ITGA6: variants seen among roughly 807,000 people sequenced by gnomAD.
The protein encoded by ITGA6 is integrin alpha-6.
ITGA6 carries 63 observed loss-of-function variants against 133.6 expected under a neutral mutation model. That is an observed-to-expected ratio of 0.47 (90% confidence interval 0.38 to 0.58). ITGA6 has a LOEUF of 0.58. Among genes scored for constraint, ITGA6 ranks in the 20% least tolerant of loss-of-function variants. The pLI, the probability that ITGA6 is intolerant of heterozygous loss-of-function variation, is 0.00. For missense variants in ITGA6, 1,068 were observed against 1,309.4 expected (o/e 0.82, Z 2.85); for synonymous variants, 434 against 482.0 (o/e 0.90, Z 1.30).
intron 23 of ITGA6, among the ~76,000 whole-genome samples, chr2:172,493,971 G>A (rs1397536384): frequency 1.3e-5 from 2 of 152,180 alleles, no homozygotes; most frequent in African/African-American, 4.8e-5. Context: ...CAAATTGGTA[G>A]ATTTGTGAAT....
At chr2:172,479,232 C>T (rs915544823) in intron 9 of ITGA6, among the ~76,000 whole-genome samples, 1 of 152,084 alleles carries the variant, frequency 6.6e-6, no homozygotes, top group Non-Finnish European at 1.5e-5. Flanking sequence ...TGAGAAAAAG[C>T]CACATACAGA....
intron 1 of ITGA6, among the ~76,000 whole-genome samples, chr2:172,430,273 A>C (rs938577872): frequency 6.6e-6 from 1 of 152,256 alleles, no homozygotes; most frequent in Non-Finnish European, 1.5e-5. Flanking sequence ...ATCATTTAAA[A>C]AGCAGTAATT....
Position 172,465,630 on chromosome 2 carries a change from G to T in ITGA6, c.274G>T (p.Gly92Trp), listed in dbSNP as rs918959143. Residue 92 changes from glycine to tryptophan, a missense_variant, in exon 2 of 26, where the codon GGG becomes TGG. Gly to Trp is a radical substitution (Grantham distance 184, BLOSUM62 -2). Coordinates refer to ENST00000684293, the MANE Select transcript of ITGA6 (RefSeq NM_000210.4). The stretch of plus-strand genomic sequence containing the variant: ...GTACAGCTGCGACATCACCGCCCGG[G>T]GGCCATGCACGCGGATCGAGTTTGA... ...GLYSCDITAR[G>W]PCTRIEFDND... The T allele has an allele frequency of 3.7e-6, 6 of 1,614,216 alleles. No individual in the cohort carries two copies. Among genetic ancestry groups the T allele is most frequent in the Middle Eastern group, 1.6e-4 (1 of 6,062 alleles).
chr2:172,475,219 G>A (rs945322310), intron 7 of ITGA6, 97 bp downstream of exon 7: 46 of 882,664 alleles, frequency 5.2e-5, no homozygotes, highest in Admixed American at 2.2e-4. Flanking sequence ...TGTAATCCCA[G>A]CACTTTGGGA....
intron 10 of ITGA6, 62 bp from the exon 11 acceptor site, chr2:172,479,928 T>C: frequency 8.5e-7 from 1 of 1,173,490 alleles, no homozygotes; most frequent in South Asian, 1.2e-5. Flanking sequence ...CTAGGGAACA[T>C]GTTGGGTTTT....
chr2:172,496,337 G>A (rs1228145797), intron 23 of ITGA6, among the ~76,000 whole-genome samples: 1 of 152,186 alleles, frequency 6.6e-6, no homozygotes, highest in Admixed American at 6.5e-5. Flanking sequence ...GCTGATAAAG[G>A]TGTTTTATGC....
intron 1 of ITGA6, 24 bp downstream of exon 1, chr2:172,427,994 C>G (rs1199606525): frequency 1.3e-6 from 2 of 1,590,750 alleles, no homozygotes; most frequent in African/African-American, 1.4e-5. Context: ...CCCTTCCCAC[C>G]CCCACTGGGG....
intron 23 of ITGA6, among the ~76,000 whole-genome samples, chr2:172,493,044 A>AC (rs1486785975): frequency 6.6e-5 from 10 of 151,324 alleles, no homozygotes; most frequent in African/African-American, 2.4e-4. Context: ...AGTAGCTGGG[A>AC]CCACAGGCAT....
chr2:172,427,466 G>T, upstream of ITGA6: 2 of 1,069,284 alleles, frequency 1.9e-6, no homozygotes, highest in South Asian at 3.9e-5. Context: ...CGCCAGAGCC[G>T]GCGGGTAAGG....
chr2:172,452,216 G>A (rs554123068), intron 1 of ITGA6, among the ~76,000 whole-genome samples: 7 of 152,240 alleles, frequency 4.6e-5, no homozygotes, highest in East Asian at 3.9e-4. Flanking sequence ...TGCAGGTTGC[G>A]TAGTTGACCA....
At chr2:172,472,957 C>G in intron 5 of ITGA6, 1 of 924,486 alleles carries the variant, frequency 1.1e-6, no homozygotes, top group Non-Finnish European at 1.8e-6. Context: ...TTTTTTGATC[C>G]ATACAGAGCA....
At chr2:172,479,382 C>T (rs1450823799) in intron 9 of ITGA6, among the ~76,000 whole-genome samples, 2 of 152,234 alleles carry the variant, frequency 1.3e-5, no homozygotes, top group Non-Finnish European at 2.9e-5. Flanking sequence ...AAAATATTTA[C>T]TTTAACCCCC....
chr2:172,484,191 T>G (rs761288268), intron 11 of ITGA6, among the ~76,000 whole-genome samples: 1 of 152,252 alleles, frequency 6.6e-6, no homozygotes, highest in Non-Finnish European at 1.5e-5. Flanking sequence ...TTCCTCTGTT[T>G]AGACAACTAT....
intron 4 of ITGA6, among the ~76,000 whole-genome samples, chr2:172,470,384 A>G (rs1685867469): frequency 6.6e-6 from 1 of 152,220 alleles, no homozygotes; most frequent in South Asian, 2.1e-4. Context: ...AAACAAAAAT[A>G]TCCACCAATT....
intron 25 of ITGA6, 75 bp downstream of exon 25, chr2:172,501,976 G>A: frequency 7.6e-7 from 1 of 1,313,732 alleles, no homozygotes. Flanking sequence ...AAGAACAACA[G>A]CTTGCTATGT....
chr2:172,498,133 A>G (rs1184217126), intron 24 of ITGA6, 33 bp downstream of exon 24: 1 of 1,599,328 alleles, frequency 6.3e-7, no homozygotes, highest in Admixed American at 1.7e-5. Context: ...ATTTCATAAC[A>G]AACTTTATTT....
In ITGA6 at chr2:172,506,385, G is replaced by T. The variant is rs1467995910; in HGVS notation, c.*2317G>T. On this transcript the variant is annotated 3_prime_UTR_variant, in exon 26 of 26. Transcript: ENST00000684293. ...GGGTTTTTTTCTGTTTTCGCTCTATGTAGGTGATCCTCAAGTCTTTCATTT... is the reference window on the plus strand; with the variant it reads ...GGGTTTTTTTCTGTTTTCGCTCTATTTAGGTGATCCTCAAGTCTTTCATTT... 5 of 152,294 alleles carry T rather than the reference G, an allele frequency of 3.3e-5. No individual in the cohort carries two copies. The highest frequency in any genetic ancestry group is 1.2e-4 in the African/African-American group (5 of 41,540). 9.4% of individuals were successfully genotyped at this position (152,294 alleles called of 1,614,324 possible). A position where few individuals can be genotyped will look rare whatever the true frequency, so the allele number is the denominator to read the frequency against.
chr2:172,487,903 T>C (rs1485928005), intron 17 of ITGA6, 58 bp from the exon 18 acceptor site: 8 of 1,532,186 alleles, frequency 5.2e-6, no homozygotes, highest in South Asian at 3.4e-5. Context: ...AGAAGTCTAA[T>C]TGTAGTGAGA....
At chr2:172,501,709 T>C in intron 24 of ITGA6, 63 bp from the exon 25 acceptor site, 1 of 1,548,516 alleles carries the variant, frequency 6.5e-7, no homozygotes, top group South Asian at 1.1e-5. Flanking sequence ...ATTTGAGATG[T>C]TCTGTTGTTT....
Sources: gnomAD v4.1 joint callset for allele counts (sites outside exome capture counted in the v4.1 genomes callset) on GRCh38, gnomAD v4.1.1 for gene constraint, MANE v1.5 for transcripts, NCBI Gene and HGNC (gene_info 2026-07-23, HGNC 2026-07-21) for gene names.